The following EIF3H variants were observed in gnomAD, a reference collection of about 807,000 sequenced individuals.
EIF3H encodes the protein eukaryotic translation initiation factor 3 subunit H.
In EIF3H, 26 loss-of-function variants were observed where a neutral mutation model predicts 44.2. That is an observed-to-expected ratio of 0.59 (90% CI 0.43 to 0.82). EIF3H has a LOEUF of 0.82. Among genes scored for constraint, EIF3H ranks in the 40% least tolerant of loss-of-function variants. EIF3H has a pLI of 0.00. For synonymous variants in EIF3H, 166 were observed against 151.9 expected (o/e 1.09, Z -0.68); for missense variants, 359 against 432.8 (o/e 0.83, Z 1.51).
rs1167810774 is a variant in EIF3H at position 116,726,181 on chromosome 8, TACAC to T, written c.133-13_133-10del. The T allele has an allele frequency of 3.1e-6, 5 of 1,610,408 alleles. No homozygotes were observed. Among genetic ancestry groups the T allele is most frequent in the Non-Finnish European group, 3.4e-6 (4 of 1,177,958 alleles). ...ATTATCTTTAATACCACCTAAAACA[TACAC>T]ACACAGAAGGGAGCTTAACAACCAT... On this transcript the variant is annotated splice_polypyrimidine_tract_variant and intron_variant, in intron 1 of 7. Coordinates refer to ENST00000521861, the MANE Select transcript of EIF3H (RefSeq NM_003756.3).
Position 116,755,790 on chromosome 8 carries a change from G to A in EIF3H, c.8C>T (p.Ser3Phe), listed in dbSNP as rs540738471. 6.2e-7 allele frequency: 1 copy of A among 1,613,608 alleles called. No homozygotes were observed. The highest frequency in any genetic ancestry group is 1.1e-5 in the South Asian group (1 of 91,084). MA[S>F]RKEGTGSTAT... is the part of the protein sequence containing the mutation. ...AGTAGAGCCGGTACCTTCCTTGCGG[G>A]ACGCCATCTTTCCAAGCAGACAGGA... The change falls in exon 1 of 8, where the codon TCC becomes TTC. Residue 3 changes from serine to phenylalanine, a missense_variant. Ser to Phe is a radical substitution (Grantham distance 155). Coordinates refer to ENST00000521861, the MANE Select transcript of EIF3H (RefSeq NM_003756.3).
intron 2 of EIF3H, among the ~76,000 whole-genome samples, chr8:116,674,324 G>A (rs576667173): frequency 1.4e-5 from 2 of 144,466 alleles, no homozygotes; most frequent in Admixed American, 1.4e-4. Context: ...GTGGAGGTGG[G>A]GGGGGGTGGG....
At chr8:116,705,127 A>G (rs1814444875) in intron 2 of EIF3H, among the ~76,000 whole-genome samples, 1 of 152,306 alleles carries the variant, frequency 6.6e-6, no homozygotes, top group Non-Finnish European at 1.5e-5. Context: ...TCAGAGATGG[A>G]TCCTAATGCA....
intron 2 of EIF3H, among the ~76,000 whole-genome samples, chr8:116,674,506 G>T (rs908885287): frequency 6.6e-6 from 1 of 152,104 alleles, no homozygotes; most frequent in Non-Finnish European, 1.5e-5. Flanking sequence ...TTGTTAAATA[G>T]AAAGTCTCTT....
At chr8:116,749,607 A>G (rs1223207499) in intron 1 of EIF3H, among the ~76,000 whole-genome samples, 1 of 152,200 alleles carries the variant, frequency 6.6e-6, no homozygotes, top group African/African-American at 2.4e-5. Context: ...AGACCACCTG[A>G]CAGAATGAAG....
chr8:116,732,717 A>C (rs886200038), intron 1 of EIF3H, among the ~76,000 whole-genome samples: 1 of 152,080 alleles, frequency 6.6e-6, no homozygotes, highest in Non-Finnish European at 1.5e-5. Context: ...CAGATCAGTC[A>C]CCTCTGCCAG....
chr8:116,659,897 T>G (rs979528517), intron 2 of EIF3H, among the ~76,000 whole-genome samples: 28 of 152,130 alleles, frequency 1.8e-4, no homozygotes, highest in Non-Finnish European at 3.4e-4. Flanking sequence ...TTATTATTAT[T>G]ATTATTGACA....
At chr8:116,749,753 C>T (rs1815296310) in intron 1 of EIF3H, among the ~76,000 whole-genome samples, 1 of 89,296 alleles carries the variant, frequency 1.1e-5, no homozygotes, top group Non-Finnish European at 2.5e-5. Flanking sequence ...AGCTTTACGA[C>T]ATGCTTAGGT....
chr8:116,709,211 A>T (rs567118663), intron 2 of EIF3H, among the ~76,000 whole-genome samples: 1 of 152,182 alleles, frequency 6.6e-6, no homozygotes, highest in South Asian at 2.1e-4. Flanking sequence ...TGTCAACAAA[A>T]ACTTTCTGTT....
chr8:116,750,268 A>G (rs1815306903), intron 1 of EIF3H, among the ~76,000 whole-genome samples: 1 of 152,294 alleles, frequency 6.6e-6, no homozygotes, highest in Admixed American at 6.5e-5. Context: ...GAGTAAGTCG[A>G]TTAAGTCACA....
At chr8:116,677,930 G>A (rs1813876101) in intron 2 of EIF3H, among the ~76,000 whole-genome samples, 1 of 152,176 alleles carries the variant, frequency 6.6e-6, no homozygotes, top group Admixed American at 6.5e-5. Context: ...TACCTAACAG[G>A]TCTGATGACA....
chr8:116,751,016 T>C (rs1437007089), intron 1 of EIF3H, among the ~76,000 whole-genome samples: 2 of 151,038 alleles, frequency 1.3e-5, no homozygotes, highest in Non-Finnish European at 3.0e-5. Flanking sequence ...ATCGAGACCA[T>C]CCCGGCTAAA....
At chr8:116,720,092 TCAACTG>T in intron 2 of EIF3H, among the ~76,000 whole-genome samples, 1 of 119,648 alleles carries the variant, frequency 8.4e-6, no homozygotes, top group East Asian at 5.7e-4. Flanking sequence ...GAAAAGACCT[TCAACTG>T]TGCAGATTAA....
In EIF3H at chr8:116,645,112, T is replaced by C. The variant is rs758604508; in HGVS notation, c.962-9A>G. The C allele has an allele frequency of 1.9e-6, 3 of 1,608,894 alleles. No homozygotes were observed. The highest frequency in any genetic ancestry group is 2.6e-6 in the Non-Finnish European group (3 of 1,175,820). Reference sequence around the variant, plus strand: ...GTAAGTGTTTATCTGGCCTGTGCATTTGAGAAAGAGATAGAGCCATAATGT... The same window carrying C: ...GTAAGTGTTTATCTGGCCTGTGCATCTGAGAAAGAGATAGAGCCATAATGT... On this transcript the variant is annotated splice_polypyrimidine_tract_variant and intron_variant, in intron 7 of 7. Transcript: ENST00000521861.
intron 1 of EIF3H, among the ~76,000 whole-genome samples, chr8:116,726,837 G>A (rs1021029016): frequency 1.3e-5 from 2 of 152,092 alleles, no homozygotes; most frequent in Non-Finnish European, 2.9e-5. Flanking sequence ...AGGTAACACC[G>A]TGCACAGGTG....
intron 2 of EIF3H, among the ~76,000 whole-genome samples, chr8:116,671,182 T>C (rs1181578986): frequency 6.6e-6 from 1 of 152,188 alleles, no homozygotes; most frequent in Non-Finnish European, 1.5e-5. Context: ...GGAAGGACTA[T>C]CTTTGTTTTA....
intron 2 of EIF3H, among the ~76,000 whole-genome samples, chr8:116,688,510 ACT>A (rs528514809): frequency 1.3e-3 from 204 of 152,286 alleles, no homozygotes; most frequent in African/African-American, 4.8e-3. Context: ...TAAAAGATAT[ACT>A]GTCATTACAT....
chr8:116,721,074 C>T (rs927794317), intron 2 of EIF3H, among the ~76,000 whole-genome samples: 30 of 152,148 alleles, frequency 2.0e-4, no homozygotes, highest in African/African-American at 6.5e-4. Context: ...CAGGGCACGT[C>T]GGAGACCTTC....
chr8:116,678,078 G>A (rs1813879989), intron 2 of EIF3H, among the ~76,000 whole-genome samples: 1 of 151,472 alleles, frequency 6.6e-6, no homozygotes, highest in African/African-American at 2.4e-5. Context: ...TCGGCTCACT[G>A]CAACCTCCCT....
Sources: gnomAD v4.1 joint callset for allele counts (sites outside exome capture counted in the v4.1 genomes callset) on GRCh38, gnomAD v4.1.1 for gene constraint, MANE v1.5 for transcripts, NCBI Gene and HGNC (gene_info 2026-07-23, HGNC 2026-07-21) for gene names.